The following DPP10 variants were observed in gnomAD, a reference collection of about 807,000 sequenced individuals.
DPP10 encodes the protein dipeptidyl peptidase like 10, also known as inactive dipeptidyl peptidase 10.
In DPP10, 33 loss-of-function variants were observed where a neutral mutation model predicts 120.9. The observed-to-expected ratio is 0.27, with a 90% CI of 0.21 to 0.37. DPP10 has a LOEUF of 0.37. Ranked by LOEUF, DPP10 falls within the 10% of genes least tolerant of loss-of-function variation. DPP10 has a pLI of 1.00. For missense variants in DPP10, 816 were observed against 942.8 expected (o/e 0.87, Z 1.76); for synonymous variants, 337 against 326.1 (o/e 1.03, Z -0.36).
Position 115,286,526 on chromosome 2 carries a change from A to ATATATTATATAT in DPP10, c.61-22713_61-22712insTATATTATATAT, listed in dbSNP as rs10675008. Among the ~76,000 whole-genome samples the ATATATTATATAT allele has an allele frequency of 6.6e-5, 4 of 60,946 alleles. 2 individuals are homozygous for ATATATTATATAT. Among genetic ancestry groups the ATATATTATATAT allele is most frequent in the Non-Finnish European group, 1.3e-4 (4 of 30,152 alleles). The allele number at this position is 60,946 out of a possible 152,430, so 40.0% of individuals were successfully genotyped here. ...TATTACATATATAATATATATATAT[A>ATATATTATATAT]ATATATATATATATAAAATATATAC... On this transcript the variant is annotated intron_variant, in intron 1 of 25. Transcript: ENST00000410059.
chr2:115,206,252 A>G (rs889948844), intron 1 of DPP10, among the ~76,000 whole-genome samples: 11 of 152,122 alleles, frequency 7.2e-5, no homozygotes, highest in Non-Finnish European at 1.3e-4. Context: ...TGTTTGGTAA[A>G]TATGTTAGTG....
intron 21 of DPP10, among the ~76,000 whole-genome samples, chr2:115,823,298 T>C (rs1475136775): frequency 6.6e-6 from 1 of 152,200 alleles, no homozygotes; most frequent in East Asian, 1.9e-4. Flanking sequence ...TGTGGACTTA[T>C]GGCTCAAATT....
intron 19 of DPP10, among the ~76,000 whole-genome samples, chr2:115,796,981 C>G (rs1267512228): frequency 6.6e-6 from 1 of 151,988 alleles, no homozygotes; most frequent in East Asian, 1.9e-4. Context: ...CTACATAGTC[C>G]ACCGTATTAT....
chr2:115,683,303 G>C (rs1008246702), intron 5 of DPP10, among the ~76,000 whole-genome samples: 3 of 151,934 alleles, frequency 2.0e-5, no homozygotes, highest in Non-Finnish European at 4.4e-5. Flanking sequence ...AAATTGTGGA[G>C]ACAGTAAAAA....
In DPP10 at chr2:114,898,297, A is replaced by G. The variant is rs4849356; in HGVS notation, c.61-410942A>G. On this transcript the variant is annotated intron_variant, in intron 1 of 25. Transcript: ENST00000410059. ...CTCACTCGTAGATGGGAATTGAACA[A>G]TGAGAACACATGGACACAGGAAGGG... Among the ~76,000 whole-genome samples, 804 of 149,672 alleles carry G rather than the reference A, an allele frequency of 5.4e-3. 25 individuals carry two copies. Among genetic ancestry groups the G allele is most frequent in the Admixed American group, 0.038 (576 of 15,050 alleles).
At chr2:115,454,782 A>G (rs575040542) in intron 3 of DPP10, among the ~76,000 whole-genome samples, 1 of 151,776 alleles carries the variant, frequency 6.6e-6, no homozygotes, top group East Asian at 1.9e-4. Context: ...GAAATGTACA[A>G]TTATTTTACT....
At chr2:115,132,712 T>C (rs1005339810) in intron 1 of DPP10, among the ~76,000 whole-genome samples, 4 of 152,104 alleles carry the variant, frequency 2.6e-5, no homozygotes, top group Non-Finnish European at 5.9e-5. Flanking sequence ...TTTCAGGTCT[T>C]TCTAGGGTCC....
chr2:115,238,000 A>ATCTC (rs1206538213), intron 1 of DPP10, among the ~76,000 whole-genome samples: 7 of 152,174 alleles, frequency 4.6e-5, no homozygotes, highest in Non-Finnish European at 1.0e-4. Flanking sequence ...ATCATTGCTG[A>ATCTC]AGTTGGCCAC....
At chr2:115,274,651 G>A (rs2059835630) in intron 1 of DPP10, among the ~76,000 whole-genome samples, 1 of 152,034 alleles carries the variant, frequency 6.6e-6, no homozygotes, top group Non-Finnish European at 1.5e-5. Context: ...GTGGAAAATA[G>A]AAAGAAAAAT....
chr2:115,252,960 G>T (rs1469945300), intron 1 of DPP10, among the ~76,000 whole-genome samples: 3 of 152,276 alleles, frequency 2.0e-5, no homozygotes, highest in African/African-American at 7.2e-5. Flanking sequence ...CAGAATCTCA[G>T]TGTATTAGGC....
rs192185180 is a variant in DPP10 at position 114,796,275 on chromosome 2, T to C, written c.60+353437T>C. 5.3e-5 allele frequency among the ~76,000 whole-genome samples: 8 copies of C among 152,074 alleles called. No individual in the cohort carries two copies. The East Asian group carries it at 5.8e-4, about 11-fold the overall frequency. The stretch of plus-strand genomic sequence containing the variant: ...AATGTCATGACATTACAAGAAAGAG[T>C]TGAATTTCTTGGTATGGACTGTAGA... On this transcript the variant is annotated intron_variant, in intron 1 of 25. Coordinates refer to ENST00000410059, the MANE Select transcript of DPP10 (RefSeq NM_020868.6).
chr2:115,216,745 A>G (rs2056844778), intron 1 of DPP10, among the ~76,000 whole-genome samples: 1 of 152,102 alleles, frequency 6.6e-6, no homozygotes, highest in Non-Finnish European at 1.5e-5. Flanking sequence ...GGATCGTGCC[A>G]TGGCACTCCA....
At chr2:114,626,888 A>G (rs1694554274) in intron 1 of DPP10, among the ~76,000 whole-genome samples, 1 of 152,090 alleles carries the variant, frequency 6.6e-6, no homozygotes, top group South Asian at 2.1e-4. Flanking sequence ...GCATTCTATC[A>G]TAAACATTTT....
At chr2:115,565,779 G>GT (rs1208433324) in intron 5 of DPP10, among the ~76,000 whole-genome samples, 2,177 of 101,492 alleles carry the variant, frequency 0.021, 47 homozygotes, top group African/African-American at 0.064. Flanking sequence ...GTTTTTTTTT[G>GT]TTTTTTTTTG....
intron 1 of DPP10, among the ~76,000 whole-genome samples, chr2:115,266,716 A>G (rs956370064): frequency 2.0e-5 from 3 of 152,206 alleles, no homozygotes; most frequent in African/African-American, 7.2e-5. Flanking sequence ...ATGGCTTCAT[A>G]TTCGAGAATG....
At chr2:115,133,399 T>C (rs530921328) in intron 1 of DPP10, among the ~76,000 whole-genome samples, 1 of 151,948 alleles carries the variant, frequency 6.6e-6, no homozygotes, top group South Asian at 2.1e-4. Flanking sequence ...TAACATTGGG[T>C]ACTTACCAGA....
rs34369425 is a variant in DPP10, at chr2:114,501,933, C to CTTTT, written c.60+59112_60+59115dup. ...TGAGAAAAAACGAAGATTGATATTC[C>CTTTT]TTTTTTTTTTTTTTTTTTTTGAGAC... is the stretch of plus-strand genomic sequence containing the variant. On this transcript the variant is annotated intron_variant, in intron 1 of 25. Coordinates refer to ENST00000410059, the MANE Select transcript of DPP10 (RefSeq NM_020868.6). Among the ~76,000 whole-genome samples the CTTTT allele has an allele frequency of 7.1e-3, 664 of 93,996 alleles. 28 individuals are homozygous for CTTTT. The highest frequency in any genetic ancestry group is 0.023 in the African/African-American group (622 of 27,228). 61.7% of individuals were successfully genotyped at this position (93,996 alleles called of 152,430 possible).
chr2:114,903,624 A>T (rs1693755441), intron 1 of DPP10, among the ~76,000 whole-genome samples: 1 of 152,220 alleles, frequency 6.6e-6, no homozygotes, highest in South Asian at 2.1e-4. Flanking sequence ...ATATCTCAAG[A>T]TGAATTTGGG....
At chr2:114,600,655 C>A (rs957258633) in intron 1 of DPP10, among the ~76,000 whole-genome samples, 3 of 151,830 alleles carry the variant, frequency 2.0e-5, no homozygotes, top group African/African-American at 4.8e-5. Context: ...TATGCCTTGG[C>A]ATCATTAATT....
Sources: gnomAD v4.1 joint callset for allele counts (sites outside exome capture counted in the v4.1 genomes callset) on GRCh38, gnomAD v4.1.1 for gene constraint, MANE v1.5 for transcripts, NCBI Gene and HGNC (gene_info 2026-07-23, HGNC 2026-07-21) for gene names.